Variants in CPPED1 observed in about 807,000 individuals in gnomAD.
The protein encoded by CPPED1 is serine/threonine-protein phosphatase CPPED1.
A neutral mutation model predicts 28.0 loss-of-function variants in CPPED1; 28 were observed. The ratio of observed to expected loss-of-function variants is 1.00; its 90% CI spans 0.74 to 1.37. CPPED1 has a LOEUF of 1.37. Ranked by LOEUF, CPPED1 falls within the 40% of genes most tolerant of loss-of-function variation. CPPED1 has a pLI of 0.00. For synonymous variants in CPPED1, 198 were observed against 180.2 expected, an observed-to-expected ratio of 1.10 and a Z score of -0.79; for missense variants, 504 against 416.5, an observed-to-expected ratio of 1.21 and a Z score of -1.83.
chr16:12,664,987 C>A lies in CPPED1; in HGVS notation c.844G>T (p.Val282Leu). Residue 282 changes from valine (V) to leucine (L), a missense_variant, in exon 4 of 4, where the codon GTG becomes TTG. Physicochemically the swap from Val to Leu is conservative, Grantham distance 32 (BLOSUM62 1). Coordinates refer to ENST00000381774, the MANE Select transcript of CPPED1 (RefSeq NM_018340.3). This position sits in a 1 kb window ranked among gnomAD's most constrained non-coding sequence, Gnocchi z 4.2. ...TGAACAATTTTCTCGGCGGTGACCA[C>A]CACGACTCGGAGCCCGTGGGGGTCT... ...GRDPHGLRVV[V>L]VTAEKIVHRY... The A allele has an allele frequency of 6.2e-7, 1 of 1,611,696 alleles. No homozygotes were observed. Among genetic ancestry groups the A allele is most frequent in the Admixed American group, 1.7e-5 (1 of 59,170 alleles).
In CPPED1 at chr16:12,661,642, A is replaced by G. The variant is rs1172957250; in HGVS notation, c.*3244T>C. On this transcript the variant is annotated 3_prime_UTR_variant, in exon 4 of 4. Coordinates refer to ENST00000381774, the MANE Select transcript of CPPED1 (RefSeq NM_018340.3). ...GCATTAGGTGACATTCCTTGCCTTG[A>G]GACAGCTGGTGGTTTCCTACACCCT... The G allele has an allele frequency of 6.6e-6, 1 of 152,248 alleles. No individual in the cohort carries two copies. Among genetic ancestry groups the G allele is most frequent in the East Asian group, 1.9e-4 (1 of 5,200 alleles). 9.4% of individuals were successfully genotyped at this position (152,248 alleles called of 1,614,324 possible). A position where few individuals can be genotyped will look rare whatever the true frequency, so the allele number is the denominator to read the frequency against.
intron 2 of CPPED1, among the ~76,000 whole-genome samples, chr16:12,732,030 G>A (rs938822301): frequency 1.3e-5 from 2 of 152,004 alleles, no homozygotes; most frequent in African/African-American, 2.4e-5. Context: ...GGGCGTAGTG[G>A]CACACGCCTG....
At chr16:12,754,670 T>A (rs370992058) in intron 2 of CPPED1, among the ~76,000 whole-genome samples, 78 of 138,998 alleles carry the variant, frequency 5.6e-4, no homozygotes, top group African/African-American at 2.0e-3. Context: ...CAGCTTTTCT[T>A]TGGCCCCACA....
intron 2 of CPPED1, among the ~76,000 whole-genome samples, chr16:12,712,476 C>G (rs917112511): frequency 2.0e-5 from 3 of 152,160 alleles, no homozygotes; most frequent in Admixed American, 1.3e-4. Context: ...GACACATACA[C>G]AAGTGTGCAA....
At chr16:12,687,321 T>A (rs994598034) in intron 3 of CPPED1, among the ~76,000 whole-genome samples, 6 of 152,182 alleles carry the variant, frequency 3.9e-5, no homozygotes, top group African/African-American at 1.4e-4. Flanking sequence ...CTTTACATTT[T>A]TTAAAAAAAG....
intron 2 of CPPED1, among the ~76,000 whole-genome samples, chr16:12,725,333 G>T (rs1220375034): frequency 6.6e-6 from 1 of 152,168 alleles, no homozygotes; most frequent in South Asian, 2.1e-4. Context: ...GACCTCAAGT[G>T]ATCTGGCTAA....
At chr16:12,681,009 G>C (rs1237425220) in intron 3 of CPPED1, among the ~76,000 whole-genome samples, 1 of 151,916 alleles carries the variant, frequency 6.6e-6, no homozygotes, top group African/African-American at 2.4e-5. Flanking sequence ...TCTTTTTAAT[G>C]TTTTGCTTGG....
intron 3 of CPPED1, among the ~76,000 whole-genome samples, chr16:12,683,664 T>G (rs1320287389): frequency 6.6e-6 from 1 of 152,178 alleles, no homozygotes; most frequent in Non-Finnish European, 1.5e-5. Flanking sequence ...TTCCTCCGCC[T>G]GGTCCATGCG....
At chr16:12,672,780 G>A (rs1249688480) in intron 3 of CPPED1, among the ~76,000 whole-genome samples, 1 of 152,120 alleles carries the variant, frequency 6.6e-6, no homozygotes, top group Non-Finnish European at 1.5e-5. Flanking sequence ...TTTGGAGGCC[G>A]AGGTGGGCAG....
chr16:12,681,990 T>C (rs757188961), intron 3 of CPPED1, among the ~76,000 whole-genome samples: 1 of 152,122 alleles, frequency 6.6e-6, no homozygotes, highest in Admixed American at 6.5e-5. Context: ...TTCCCTATCC[T>C]GGACTCGAGG....
Position 12,663,918 on chromosome 16 carries a change from T to C in CPPED1, c.*968A>G, listed in dbSNP as rs2079810552. The C allele has an allele frequency of 6.6e-6, 1 of 152,218 alleles. No homozygotes were observed. The highest frequency in any genetic ancestry group is 2.1e-4 in the South Asian group (1 of 4,832). 9.4% of individuals were successfully genotyped at this position (152,218 alleles called of 1,614,324 possible). On this transcript the variant is annotated 3_prime_UTR_variant, in exon 4 of 4. Coordinates refer to ENST00000381774, the MANE Select transcript of CPPED1 (RefSeq NM_018340.3). ...AACCTATGCGCTTTTGTCAAGGGAT[T>C]TTGCATTAGTGCATTTAGTCCAAGT...
chr16:12,737,450 G>C (rs2080232492), intron 2 of CPPED1, among the ~76,000 whole-genome samples: 1 of 152,204 alleles, frequency 6.6e-6, no homozygotes. Context: ...AGATACAGCA[G>C]GCAGGGCCAG....
intron 3 of CPPED1, among the ~76,000 whole-genome samples, chr16:12,676,164 G>A (rs1188918666): frequency 3.3e-5 from 5 of 152,182 alleles, no homozygotes; most frequent in African/African-American, 1.2e-4. Context: ...CCCAATGCCT[G>A]TGGCCCAGGA....
rs1448208556 is a variant in CPPED1, at chr16:12,803,458, CCCT to C, written c.70+246_70+248del. On this transcript the variant is annotated intron_variant, in intron 1 of 3. Transcript: ENST00000381774. ...ATGCTTTGCTACCCTCCTCTTACTT[CCCT>C]TCTCTGGGGGAAGTTAGGTCAAGGC... Among the ~76,000 whole-genome samples the C allele has an allele frequency of 2.6e-5, 4 of 152,358 alleles. No individual in the cohort carries two copies. In the East Asian group the frequency reaches 7.7e-4, roughly 29 times the overall value.
At chr16:12,699,538 T>C (rs1292647320) in intron 3 of CPPED1, among the ~76,000 whole-genome samples, 3 of 152,196 alleles carry the variant, frequency 2.0e-5, no homozygotes, top group Non-Finnish European at 4.4e-5. Context: ...TTGTTGATGC[T>C]CATTATTAAA....
chr16:12,675,360 T>C (rs2079872640), intron 3 of CPPED1, among the ~76,000 whole-genome samples: 3 of 152,218 alleles, frequency 2.0e-5, no homozygotes, highest in Non-Finnish European at 4.4e-5. Context: ...CAGAAGAATT[T>C]CCAGCAAAGG....
chr16:12,696,438 CTTTTTTTTTTT>C (rs1180336228), intron 3 of CPPED1, among the ~76,000 whole-genome samples: 4 of 120,736 alleles, frequency 3.3e-5, no homozygotes, highest in African/African-American at 1.0e-4. Flanking sequence ...AAGTGACTTT[CTTTTTTTTTTT>C]TTTTTTTTTG....
intron 1 of CPPED1, among the ~76,000 whole-genome samples, chr16:12,791,549 G>C (rs890276527): frequency 6.6e-6 from 1 of 152,048 alleles, no homozygotes; most frequent in Non-Finnish European, 1.5e-5. Context: ...ATCATTCCAC[G>C]TCTACAACAT....
At chr16:12,768,042 AAAGAT>A (rs1407058912) in intron 2 of CPPED1, among the ~76,000 whole-genome samples, 1 of 152,172 alleles carries the variant, frequency 6.6e-6, no homozygotes, top group African/African-American at 2.4e-5. Context: ...AATTTTCTTT[AAAGAT>A]AAGATTTTCC....
Sources: allele counts gnomAD v4.1 joint callset (sites outside exome capture counted in the v4.1 genomes callset), GRCh38; gene constraint gnomAD v4.1.1; non-coding constraint Gnocchi (gnomAD v3.1); transcripts MANE v1.5; gene names NCBI Gene and HGNC (gene_info 2026-07-23, HGNC 2026-07-21).